ARHGEF3: variants seen among roughly 807,000 people sequenced by gnomAD.
ARHGEF3 encodes 59.8 kDA protein.
In ARHGEF3, 28 loss-of-function variants were observed where a neutral mutation model predicts 63.2. The observed-to-expected ratio is 0.44, with a 90% confidence interval of 0.33 to 0.61. The LOEUF is 0.61. Ranked by LOEUF, ARHGEF3 falls within the 20% of genes least tolerant of loss-of-function variation. The probability of loss-of-function intolerance (pLI) is 0.03; values close to 1 mark genes in which losing one functional copy is unlikely to be tolerated. For missense variants in ARHGEF3, 533 were observed against 659.3 expected, an observed-to-expected ratio of 0.81 and a Z score of 2.10; for synonymous variants, 266 against 254.2, an observed-to-expected ratio of 1.05 and a Z score of -0.44.
chr3:56,807,969 C>T (rs941806409), intron 4 of ARHGEF3, among the ~76,000 whole-genome samples: 3 of 151,836 alleles, frequency 2.0e-5, no homozygotes, highest in Admixed American at 1.3e-4. Context: ...ACTAAAAATA[C>T]GAAAATTAGC....
chr3:56,920,945 C>T (rs897923063), intron 3 of ARHGEF3, among the ~76,000 whole-genome samples: 1 of 150,824 alleles, frequency 6.6e-6, no homozygotes, highest in African/African-American at 2.4e-5. Context: ...GTCCCAGCTA[C>T]TCAGGAGGCT....
intron 4 of ARHGEF3, among the ~76,000 whole-genome samples, chr3:56,848,857 C>T (rs539812566): frequency 7.2e-5 from 11 of 152,142 alleles, no homozygotes; most frequent in Admixed American, 2.6e-4. Flanking sequence ...TTAGTAGAGA[C>T]GGAGTATCAC....
chr3:56,874,619 G>A (rs372178287), intron 4 of ARHGEF3, among the ~76,000 whole-genome samples: 4 of 152,300 alleles, frequency 2.6e-5, no homozygotes, highest in African/African-American at 9.6e-5. Context: ...GCATGCACAT[G>A]ACAGGATAAA....
At chr3:56,984,964 T>C (rs3923886) in intron 2 of ARHGEF3, among the ~76,000 whole-genome samples, 35,666 of 152,188 alleles carry the variant, frequency 0.23, 4,355 homozygotes, top group Middle Eastern at 0.38. Flanking sequence ...ACTGGAAATC[T>C]AAAGTATTAT....
intron 3 of ARHGEF3, among the ~76,000 whole-genome samples, chr3:56,754,197 C>T (rs2107767598): frequency 6.6e-6 from 1 of 152,264 alleles, no homozygotes; most frequent in Admixed American, 6.5e-5. Context: ...GTAAATGGAC[C>T]GTTTCTAATT....
chr3:57,051,263 G>A (rs1020781903), intron 1 of ARHGEF3, among the ~76,000 whole-genome samples: 9 of 152,072 alleles, frequency 5.9e-5, no homozygotes, highest in African/African-American at 1.9e-4. Context: ...TGAGGTGGGC[G>A]GATAACCTGA....
At chr3:56,799,394 G>C (rs986349152) in intron 1 of ARHGEF3, among the ~76,000 whole-genome samples, 1 of 152,168 alleles carries the variant, frequency 6.6e-6, no homozygotes, top group African/African-American at 2.4e-5. Context: ...GTGCTCTGTT[G>C]CAACGGCCTT....
chr3:56,895,064 G>A (rs916426974), intron 3 of ARHGEF3, among the ~76,000 whole-genome samples: 1 of 152,122 alleles, frequency 6.6e-6, no homozygotes, highest in Non-Finnish European at 1.5e-5. Flanking sequence ...GCATGTCCCT[G>A]GTGTTTAGGG....
chr3:57,005,527 T>G (rs988841382), intron 2 of ARHGEF3, among the ~76,000 whole-genome samples: 48 of 152,116 alleles, frequency 3.2e-4, no homozygotes, highest in Admixed American at 2.1e-3. Context: ...CGGGGCAATC[T>G]CAACATGAAT....
chr3:56,829,980 T>C (rs1318353579), intron 4 of ARHGEF3, among the ~76,000 whole-genome samples: 3 of 152,260 alleles, frequency 2.0e-5, no homozygotes, highest in Admixed American at 6.5e-5. Context: ...GATCGTGTTA[T>C]GGCACTTCAC....
rs542258838 is a variant in ARHGEF3, at chr3:57,049,456, C to A, written c.-27-14280G>T. 2.0e-5 allele frequency among the ~76,000 whole-genome samples: 3 copies of A among 152,294 alleles called. No homozygotes were observed. The South Asian group carries it at 6.2e-4, about 32-fold the overall frequency. On this transcript the variant is annotated intron_variant, in intron 1 of 12. Transcript: ENST00000338458. ...TGCTCTCGAAACTGGAGCAGTCCAG[C>A]CTGCTGGGTTTATCTGTGGGAGATG...
intron 4 of ARHGEF3, among the ~76,000 whole-genome samples, chr3:56,867,921 T>TG (rs1217247902): frequency 6.6e-6 from 1 of 152,204 alleles, no homozygotes; most frequent in African/African-American, 2.4e-5. Flanking sequence ...GAAGTGATAA[T>TG]GGTGTGATTC....
chr3:56,805,125 C>T (rs371014078), upstream of ARHGEF3, among the ~76,000 whole-genome samples: 32 of 152,184 alleles, frequency 2.1e-4, no homozygotes, highest in African/African-American at 6.8e-4. Flanking sequence ...GTCACCCTGG[C>T]GACGTCTGAT....
Position 56,801,709 on chromosome 3 carries a change from G to A in ARHGEF3, c.90C>T (p.Asp30=), listed in dbSNP as rs772671905. 1 of 1,558,940 alleles carries A rather than the reference G, an allele frequency of 6.4e-7. No homozygotes were observed. Among genetic ancestry groups the A allele is most frequent in the Non-Finnish European group, 8.7e-7 (1 of 1,150,554 alleles). Residue 30 remains aspartate, a synonymous_variant, in exon 1 of 10, where the codon GAC becomes GAT. Coordinates refer to ENST00000296315, the MANE Select transcript of ARHGEF3 (RefSeq NM_019555.3). ...GTGCAGGGCGCGGCCCTACCTCAGCGTCCTTGGCCGGACCGCTGGCCGGGG... is the reference window on the plus strand; with the variant it reads ...GTGCAGGGCGCGGCCCTACCTCAGCATCCTTGGCCGGACCGCTGGCCGGGG... ...ELPPASGPAK[D]AEEPSNKRVK...
rs1180458043 is a variant in ARHGEF3 at position 56,858,237 on chromosome 3, C to T, written c.192+24055G>A. Among the ~76,000 whole-genome samples the T allele has an allele frequency of 4.4e-5, 4 of 91,132 alleles. No homozygotes were observed. In the Admixed American group the frequency reaches 5.0e-4, roughly 11 times the overall value. 59.8% of individuals were successfully genotyped at this position (91,132 alleles called of 152,430 possible). Reference sequence around the variant, plus strand: ...CCAGCCTGGGAAACAGAGCAAGACCCTGTCTCAAAAAAAAAAAAAAAAAAA... The same window carrying T: ...CCAGCCTGGGAAACAGAGCAAGACCTTGTCTCAAAAAAAAAAAAAAAAAAA... On this transcript the variant is annotated intron_variant, in intron 4 of 12. Transcript: ENST00000338458.
intron 3 of ARHGEF3, among the ~76,000 whole-genome samples, chr3:56,906,463 C>T (rs975718326): frequency 6.6e-6 from 1 of 152,170 alleles, no homozygotes; most frequent in African/African-American, 2.4e-5. Context: ...ACAATACTCA[C>T]TGGATACTAA....
At chr3:56,907,733 G>A (rs573587085) in intron 3 of ARHGEF3, among the ~76,000 whole-genome samples, 13 of 152,308 alleles carry the variant, frequency 8.5e-5, no homozygotes, top group African/African-American at 3.1e-4. Flanking sequence ...GGATGAAGCT[G>A]GAGGCCATTA....
intron 2 of ARHGEF3, among the ~76,000 whole-genome samples, chr3:57,026,391 ACT>A (rs768196971): frequency 4.2e-4 from 64 of 152,130 alleles, no homozygotes; most frequent in Non-Finnish European, 7.6e-4. Flanking sequence ...ACAGAGCGAG[ACT>A]CTGTCTCTTA....
chr3:56,960,574 A>G (rs1700237565), intron 2 of ARHGEF3: 1 of 152,070 alleles, frequency 6.6e-6, no homozygotes, highest in African/African-American at 2.4e-5. Context: ...CTCTCTCAAC[A>G]CCTAGCTCCA....
Sources: gnomAD v4.1 joint callset for allele counts (sites outside exome capture counted in the v4.1 genomes callset) on GRCh38, gnomAD v4.1.1 for gene constraint, MANE v1.5 for transcripts, NCBI Gene and HGNC (gene_info 2026-07-23, HGNC 2026-07-21) for gene names.